The following DNMT3A variants were observed in gnomAD, a reference collection of about 807,000 sequenced individuals.
DNMT3A encodes DNA methyltransferase 3 alpha.
A neutral mutation model predicts 117.6 loss-of-function variants in DNMT3A; 267 were observed. The observed-to-expected ratio is 2.27, with a 90% CI of 2.05 to 2.51. DNMT3A has a LOEUF of 2.51. Among genes scored for constraint, DNMT3A ranks in the 30% most tolerant of loss-of-function variants. The probability of loss-of-function intolerance (pLI) is 0.00; values close to 1 mark genes in which losing one functional copy is unlikely to be tolerated. For synonymous variants in DNMT3A, 432 were observed against 474.8 expected (o/e 0.91, Z 1.17); for missense variants, 1,029 against 1,260.2 (o/e 0.82, Z 2.78).
chr2:25,282,249 C>T lies in DNMT3A; in HGVS notation c.448+192G>A, dbSNP rs1295216486. On this transcript the variant is annotated intron_variant, in intron 4 of 22. Transcript: ENST00000321117. The surrounding 1 kb of genome is among the most constrained non-coding windows in gnomAD (Gnocchi z 5.2). ...CAACTAATTTTTTAAATGTTTAAAA[C>T]ACTCTATGGGCCAAATAAAACATAT... 33 of 1,303,086 alleles carry T rather than the reference C, an allele frequency of 2.5e-5. No individual in the cohort carries two copies. Among genetic ancestry groups the T allele is most frequent in the Non-Finnish European group, 3.1e-5 (32 of 1,024,746 alleles). The allele number at this position is 1,303,086 out of a possible 1,614,324, so 80.7% of individuals were successfully genotyped here.
rs1159181048 is a variant in DNMT3A, at chr2:25,233,672, G to A, written c.*607C>T. 8.7e-6 allele frequency: 2 copies of A among 230,150 alleles called. No individual in the cohort carries two copies. The highest frequency in any genetic ancestry group is 1.2e-4 in the East Asian group (2 of 16,404). The allele number at this position is 230,150 out of a possible 1,614,324, so 14.3% of individuals were successfully genotyped here. On this transcript the variant is annotated 3_prime_UTR_variant, in exon 23 of 23. Coordinates refer to ENST00000321117, the MANE Select transcript of DNMT3A (RefSeq NM_022552.5). ...TGGCACGACAGCTCAGTGGCTGGGA[G>A]GGAATGCTGCCGCCTGAGTGTCTCT...
In DNMT3A at chr2:25,339,234, T is replaced by C. The variant is rs947220921; in HGVS notation, c.-178+2592A>G. ...GAGCCATAGAATGTCAAAGCTGGAA[T>C]GGACCTTCCGGCTCTAGTCCAACCC... is the stretch of plus-strand genomic sequence containing the variant. On this transcript the variant is annotated intron_variant, in intron 1 of 22. Coordinates refer to ENST00000321117, the MANE Select transcript of DNMT3A (RefSeq NM_022552.5). This position sits in a 1 kb window ranked among gnomAD's most constrained non-coding sequence, Gnocchi z 4.9. Among the ~76,000 whole-genome samples the C allele has an allele frequency of 6.6e-6, 1 of 152,142 alleles. No individual in the cohort carries two copies. Among genetic ancestry groups the C allele is most frequent in the Non-Finnish European group, 1.5e-5 (1 of 68,022 alleles).
At chr2:25,307,758 C>T (rs529798266) in intron 2 of DNMT3A, among the ~76,000 whole-genome samples, 7 of 152,192 alleles carry the variant, frequency 4.6e-5, no homozygotes, top group Non-Finnish European at 8.8e-5. Flanking sequence ...AGCCACTGCG[C>T]CTGGCCCATT....
At chr2:25,300,699 AT>A (rs2033405073) in intron 2 of DNMT3A, among the ~76,000 whole-genome samples, 1 of 81,546 alleles carries the variant, frequency 1.2e-5, no homozygotes, top group East Asian at 4.5e-4. Context: ...ATATTTATAT[AT>A]CTAAATAATA....
intron 4 of DNMT3A, among the ~76,000 whole-genome samples, chr2:25,280,687 T>G (rs1158479316): frequency 1.3e-5 from 2 of 152,232 alleles, no homozygotes; most frequent in Non-Finnish European, 2.9e-5. Flanking sequence ...TGTGAGGTCC[T>G]TGAGGGCAAG....
Position 25,233,077 on chromosome 2 carries a change from G to A in DNMT3A, c.*1202C>T. On this transcript the variant is annotated 3_prime_UTR_variant, in exon 23 of 23. Transcript: ENST00000321117. ...TCCCACCACAAGGAGCCCTCGAATT[G>A]GCTAAAGTGAGAAACTGGGCCTGAA... The A allele has an allele frequency of 8.6e-6, 2 of 233,696 alleles. No homozygotes were observed. Among genetic ancestry groups the A allele is most frequent in the Non-Finnish European group, 1.7e-5 (2 of 118,044 alleles). The allele number at this position is 233,696 out of a possible 1,614,324, so 14.5% of individuals were successfully genotyped here.
At chr2:25,273,394 T>C (rs931812235) in intron 6 of DNMT3A, among the ~76,000 whole-genome samples, 2 of 152,154 alleles carry the variant, frequency 1.3e-5, no homozygotes, top group African/African-American at 4.8e-5. Flanking sequence ...CCACCGCGCC[T>C]GGCCTCTGTT....
At chr2:25,307,162 AGCACAAACATTAC>A (rs1293650540) in intron 2 of DNMT3A, among the ~76,000 whole-genome samples, 1 of 152,190 alleles carries the variant, frequency 6.6e-6, no homozygotes, top group African/African-American at 2.4e-5. Flanking sequence ...CCTTCCATGC[AGCACAAACATTAC>A]GTGGGATGAT....
In DNMT3A at chr2:25,339,583, C is replaced by T. The variant is rs890634878; in HGVS notation, c.-178+2243G>A. Among the ~76,000 whole-genome samples, 11 of 152,188 alleles carry T rather than the reference C, an allele frequency of 7.2e-5. No homozygotes were observed. Among genetic ancestry groups the T allele is most frequent in the Non-Finnish European group, 1.2e-4 (8 of 68,020 alleles). On this transcript the variant is annotated intron_variant, in intron 1 of 22. Transcript: ENST00000321117. The surrounding 1 kb of genome is among the most constrained non-coding windows in gnomAD (Gnocchi z 4.9). Reference sequence around the variant, plus strand: ...CCTGGTCCCTCGCCTGGAGCCAGCACATGTGCACACACAGACTCCCACCTT... The same window carrying T: ...CCTGGTCCCTCGCCTGGAGCCAGCATATGTGCACACACAGACTCCCACCTT...
At position 25,252,172 on chromosome 2, in the gene DNMT3A, G is replaced by C. The variant is rs751830072; in HGVS notation, c.640-3920C>G. 5.8e-6 allele frequency: 9 copies of C among 1,561,020 alleles called. No homozygotes were observed. Among genetic ancestry groups the C allele is most frequent in the Non-Finnish European group, 7.8e-6 (9 of 1,154,530 alleles). On this transcript the variant is annotated intron_variant, in intron 6 of 22. Coordinates refer to ENST00000321117, the MANE Select transcript of DNMT3A (RefSeq NM_022552.5). This position sits in a 1 kb window ranked among gnomAD's most constrained non-coding sequence, Gnocchi z 5.5. ...CCGCCTCCCCGCCCCCGGTCTCCCC[G>C]GGGCTCCGTCCAGGAACCTACCCAT...
intron 2 of DNMT3A, among the ~76,000 whole-genome samples, chr2:25,302,652 G>A (rs966110849): frequency 6.6e-6 from 1 of 152,220 alleles, no homozygotes; most frequent in African/African-American, 2.4e-5. Flanking sequence ...GGGGAGGCCT[G>A]CTGCTTCTGA....
At position 25,293,673 on chromosome 2, in the gene DNMT3A, T is replaced by A. The variant is rs1428033545; in HGVS notation, c.177+6466A>T. On this transcript the variant is annotated intron_variant, in intron 3 of 22. Coordinates refer to ENST00000321117, the MANE Select transcript of DNMT3A (RefSeq NM_022552.5). This position sits in a 1 kb window ranked among gnomAD's most constrained non-coding sequence, Gnocchi z 4.7. ...AGCTACTATTTATTATATATATATA[T>A]AAAAATTTATTTTTTTGAGACAGAG... is the stretch of plus-strand genomic sequence containing the variant. Among the ~76,000 whole-genome samples the A allele has an allele frequency of 2.6e-5, 4 of 151,706 alleles. No individual in the cohort carries two copies. Among genetic ancestry groups the A allele is most frequent in the Non-Finnish European group, 4.4e-5 (3 of 67,980 alleles).
chr2:25,333,384 C>T (rs1473532157), intron 1 of DNMT3A, among the ~76,000 whole-genome samples: 2 of 151,532 alleles, frequency 1.3e-5, no homozygotes, highest in African/African-American at 4.9e-5. Flanking sequence ...GGCTGGAGTG[C>T]AGTGGCGCGA....
chr2:25,259,770 G>C (rs1676450780), intron 6 of DNMT3A, among the ~76,000 whole-genome samples: 2 of 152,138 alleles, frequency 1.3e-5, no homozygotes, highest in African/African-American at 4.8e-5. Context: ...GGGCCTAAAG[G>C]AGCCGCATTC....
intron 1 of DNMT3A, among the ~76,000 whole-genome samples, chr2:25,316,701 C>T (rs114654863): frequency 6.6e-6 from 1 of 152,340 alleles, no homozygotes; most frequent in African/African-American, 2.4e-5. Context: ...TCCACCACAT[C>T]GGTCCTTCCA....
chr2:25,275,293 G>T (rs1018826659), intron 5 of DNMT3A, among the ~76,000 whole-genome samples: 7 of 152,204 alleles, frequency 4.6e-5, no homozygotes, highest in Admixed American at 1.3e-4. Context: ...CACAGGCCAC[G>T]AAGGGAGGCG....
intron 6 of DNMT3A, among the ~76,000 whole-genome samples, chr2:25,266,042 C>G (rs1014553346): frequency 6.6e-5 from 10 of 152,150 alleles, no homozygotes; most frequent in African/African-American, 2.4e-4. Flanking sequence ...AGGGGTTGTT[C>G]TAAGAGCTGT....
intron 1 of DNMT3A, among the ~76,000 whole-genome samples, chr2:25,317,878 G>A (rs1233578442): frequency 1.3e-5 from 2 of 152,174 alleles, no homozygotes; most frequent in South Asian, 2.1e-4. Context: ...TGGGATTACA[G>A]GCATGTACCA....
chr2:25,242,908 A>C (rs1652507537), intron 16 of DNMT3A, among the ~76,000 whole-genome samples: 1 of 121,234 alleles, frequency 8.2e-6, no homozygotes, highest in Non-Finnish European at 1.8e-5. Flanking sequence ...TCACAGCACT[A>C]CTTATAATAA....
Sources: gnomAD v4.1 joint callset for allele counts (sites outside exome capture counted in the v4.1 genomes callset) on GRCh38, gnomAD v4.1.1 for gene constraint, Gnocchi (gnomAD v3.1) non-coding constraint, MANE v1.5 for transcripts, NCBI Gene and HGNC (gene_info 2026-07-23, HGNC 2026-07-21) for gene names.